RAD54B: variants seen among roughly 807,000 people sequenced by gnomAD.
RAD54B encodes RAD54 homolog B, also known as DNA repair and recombination protein RAD54B.
Under a neutral mutation model 95.8 loss-of-function variants are expected in RAD54B, and 78 were observed. The observed-to-expected ratio is 0.81, with a 90% CI of 0.68 to 0.98. The LOEUF (loss-of-function observed/expected upper bound fraction) is 0.98, where lower values mean the gene tolerates loss of function less well. RAD54B is among the 50% of genes least tolerant of loss of function. The pLI is 0.00. For missense variants in RAD54B, 957 were observed against 1,056.6 expected, an observed-to-expected ratio of 0.91 and a Z score of 1.31; for synonymous variants, 328 against 354.9, an observed-to-expected ratio of 0.92 and a Z score of 0.85.
chr8:94,420,984 CA>C (rs776651582), intron 3 of RAD54B, among the ~76,000 whole-genome samples: 2,924 of 90,400 alleles, frequency 0.032, 63 homozygotes, highest in African/African-American at 0.094. Context: ...GACTCAGTCT[CA>C]AAAAAAAAAA....
chr8:94,433,224 G>A (rs190426869), intron 3 of RAD54B, among the ~76,000 whole-genome samples: 55 of 152,180 alleles, frequency 3.6e-4, no homozygotes, highest in African/African-American at 1.2e-3. Context: ...AACTACTGGA[G>A]GTTATCCTAA....
intron 3 of RAD54B, among the ~76,000 whole-genome samples, chr8:94,449,088 CA>C (rs1457507935): frequency 6.6e-6 from 1 of 151,718 alleles, no homozygotes; most frequent in Non-Finnish European, 1.5e-5. Flanking sequence ...ATATATCTCC[CA>C]TAACATCATG....
At chr8:94,407,843 G>A in intron 4 of RAD54B, 123 bp from the exon 5 acceptor site, 39 of 631,904 alleles carry the variant, frequency 6.2e-5, no homozygotes, top group South Asian at 2.0e-4. Context: ...TAGCCAAAAT[G>A]GAAGCATAAT....
intron 3 of RAD54B, chr8:94,428,647 ACT>A (rs1812003823): frequency 1.4e-6 from 1 of 708,530 alleles, no homozygotes; most frequent in Non-Finnish European, 1.7e-6. Context: ...TTATTGTTGT[ACT>A]GTTATTTATT....
At chr8:94,431,413 C>A (rs1812089838) in intron 3 of RAD54B, 1 of 983,880 alleles carries the variant, frequency 1.0e-6, no homozygotes, top group African/African-American at 1.7e-5. Context: ...ACCTAACAAT[C>A]TTTAAAGGCA....
intron 14 of RAD54B, among the ~76,000 whole-genome samples, chr8:94,372,651 T>C (rs73270145): frequency 6.6e-6 from 1 of 152,130 alleles, no homozygotes; most frequent in Non-Finnish European, 1.5e-5. Context: ...GAGATATACA[T>C]TAAATAAATA....
intron 3 of RAD54B, among the ~76,000 whole-genome samples, chr8:94,457,556 G>C (rs979928696): frequency 2.0e-5 from 3 of 152,198 alleles, no homozygotes; most frequent in African/African-American, 7.2e-5. Flanking sequence ...GCACTTTGTT[G>C]ATTTGCACTG....
intron 3 of RAD54B, among the ~76,000 whole-genome samples, chr8:94,422,654 A>ATATATATATATATAT (rs60336758): frequency 8.0e-6 from 1 of 124,426 alleles, no homozygotes; most frequent in Non-Finnish European, 1.7e-5. Flanking sequence ...ATATATATAT[A>ATATATATATATATAT]AAATTATCAG....
Position 94,452,825 on chromosome 8 carries a change from T to A in RAD54B, c.304+5443A>T, listed in dbSNP as rs190190290. 2.9e-3 allele frequency among the ~76,000 whole-genome samples: 444 copies of A among 152,300 alleles called. 2 individuals carry two copies. The highest frequency in any genetic ancestry group is 0.024 in the Middle Eastern group (7 of 294). ...TATCCTTAATTTTTTCTGTAATTTT[T>A]AAATAATCTTTAACATCAAAAAGTT... On this transcript the variant is annotated intron_variant, in intron 3 of 14. Transcript: ENST00000336148.
chr8:94,394,238 T>G (rs934527878), intron 8 of RAD54B, among the ~76,000 whole-genome samples: 13 of 152,178 alleles, frequency 8.5e-5, no homozygotes, highest in Non-Finnish European at 2.9e-5. Context: ...TTCTGTAAAA[T>G]GCAGATAATA....
chr8:94,392,843 G>GTT (rs747421771), intron 9 of RAD54B, among the ~76,000 whole-genome samples: 1,721 of 90,518 alleles, frequency 0.019, 34 homozygotes, highest in African/African-American at 0.063. Context: ...TTTTAGTTTT[G>GTT]TTTTTTTTTT....
At chr8:94,455,000 C>T (rs970935157) in intron 3 of RAD54B, among the ~76,000 whole-genome samples, 1 of 152,164 alleles carries the variant, frequency 6.6e-6, no homozygotes, top group African/African-American at 2.4e-5. Context: ...TCTCAGCCTA[C>T]AACATACTAC....
chr8:94,438,644 G>T (rs1392034268), intron 3 of RAD54B, among the ~76,000 whole-genome samples: 1 of 152,100 alleles, frequency 6.6e-6, no homozygotes, highest in Non-Finnish European at 1.5e-5. Context: ...ATATACTTTA[G>T]ATAATTATTT....
intron 8 of RAD54B, among the ~76,000 whole-genome samples, chr8:94,397,685 T>G (rs1811180193): frequency 6.6e-6 from 1 of 152,128 alleles, no homozygotes; most frequent in Non-Finnish European, 1.5e-5. Context: ...TACTTTTATT[T>G]CTTATCTTCA....
intron 2 of RAD54B, among the ~76,000 whole-genome samples, chr8:94,465,752 T>C (rs967288097): frequency 2.0e-5 from 3 of 152,208 alleles, no homozygotes; most frequent in African/African-American, 7.2e-5. Context: ...AGGTGGAAAC[T>C]GCCCAAGCAT....
At chr8:94,376,111 AG>A in intron 14 of RAD54B, among the ~76,000 whole-genome samples, 1 of 152,182 alleles carries the variant, frequency 6.6e-6, no homozygotes, top group Admixed American at 6.5e-5. Context: ...TAGGCAATTA[AG>A]AGGATATACA....
chr8:94,379,277 T>C (rs1810675687), intron 12 of RAD54B, among the ~76,000 whole-genome samples: 1 of 152,200 alleles, frequency 6.6e-6, no homozygotes, highest in African/African-American at 2.4e-5. Context: ...TTCTGGAGGC[T>C]AAAGACTGAT....
At chr8:94,442,391 T>A (rs557917969) in intron 3 of RAD54B, among the ~76,000 whole-genome samples, 2 of 152,092 alleles carry the variant, frequency 1.3e-5, no homozygotes, top group Admixed American at 1.3e-4. Flanking sequence ...GCTAACATGG[T>A]GAAACCCCGT....
chr8:94,377,005 T>C (rs953760150), intron 14 of RAD54B, among the ~76,000 whole-genome samples: 1 of 152,166 alleles, frequency 6.6e-6, no homozygotes, highest in African/African-American at 2.4e-5. Context: ...AGACATTGAT[T>C]GCTCAAGTCC....
Sources: allele counts gnomAD v4.1 joint callset (sites outside exome capture counted in the v4.1 genomes callset), GRCh38; gene constraint gnomAD v4.1.1; transcripts MANE v1.5; gene names NCBI Gene and HGNC (gene_info 2026-07-23, HGNC 2026-07-21).